GRM8: variants seen among roughly 807,000 people sequenced by gnomAD.
GRM8 encodes the protein glutamate metabotropic receptor 8.
GRM8 carries 47 observed loss-of-function variants against 87.2 expected under a neutral mutation model. The ratio of observed to expected loss-of-function variants is 0.54; its 90% confidence interval spans 0.43 to 0.69. The LOEUF (loss-of-function observed/expected upper bound fraction) is 0.69, where lower values mean the gene tolerates loss of function less well. Among genes scored for constraint, GRM8 ranks in the 30% least tolerant of loss-of-function variants. The probability of loss-of-function intolerance (pLI) is 0.00; values close to 1 mark genes in which losing one functional copy is unlikely to be tolerated. For synonymous variants in GRM8, 396 were observed against 404.5 expected (o/e 0.98, Z 0.25); for missense variants, 1,019 against 1,139.2 (o/e 0.89, Z 1.52).
chr7:126,803,959 C>T (rs1563202595), intron 6 of GRM8, among the ~76,000 whole-genome samples: 1 of 152,150 alleles, frequency 6.6e-6, no homozygotes, highest in Non-Finnish European at 1.5e-5. Context: ...AATGCAAGTC[C>T]CTGACTGATT....
At chr7:126,847,582 CTT>C (rs1796822505) in intron 6 of GRM8, among the ~76,000 whole-genome samples, 1 of 152,130 alleles carries the variant, frequency 6.6e-6, no homozygotes, top group Admixed American at 6.6e-5. Flanking sequence ...CTAGACATCT[CTT>C]GTCTCCAGGT....
intron 9 of GRM8, among the ~76,000 whole-genome samples, chr7:126,480,524 C>T (rs1333130445): frequency 6.6e-6 from 1 of 151,968 alleles, no homozygotes; most frequent in East Asian, 1.9e-4. Context: ...GATTTGTAAG[C>T]TACTGTATAC....
At chr7:126,731,069 T>C (rs1222156748) in intron 7 of GRM8, among the ~76,000 whole-genome samples, 2 of 152,156 alleles carry the variant, frequency 1.3e-5, no homozygotes, top group African/African-American at 4.8e-5. Flanking sequence ...CCTCAAAGAA[T>C]GAAGACTTTA....
intron 9 of GRM8, among the ~76,000 whole-genome samples, chr7:126,510,604 G>T (rs1452968651): frequency 6.6e-6 from 1 of 152,236 alleles, no homozygotes; most frequent in African/African-American, 2.4e-5. Flanking sequence ...AATATGTAAA[G>T]AATTGATTGA....
chr7:126,711,648 C>T (rs1290916918), intron 7 of GRM8, among the ~76,000 whole-genome samples: 1 of 152,178 alleles, frequency 6.6e-6, no homozygotes, highest in African/African-American at 2.4e-5. Context: ...ACATCCTCTT[C>T]CAAGAGAAGG....
intron 8 of GRM8, among the ~76,000 whole-genome samples, chr7:126,560,518 A>G (rs1388688611): frequency 3.3e-5 from 5 of 152,290 alleles, no homozygotes; most frequent in South Asian, 2.1e-4. Flanking sequence ...GATGAAATGA[A>G]CCAGCAAAAT....
intron 7 of GRM8, among the ~76,000 whole-genome samples, chr7:126,757,519 G>T (rs987848011): frequency 2.0e-5 from 3 of 152,182 alleles, no homozygotes; most frequent in Non-Finnish European, 4.4e-5. Context: ...GCAGGATTGA[G>T]TATAAATTGT....
At chr7:127,180,979 G>A (rs943581956) in intron 2 of GRM8, among the ~76,000 whole-genome samples, 2 of 152,006 alleles carry the variant, frequency 1.3e-5, no homozygotes, top group Non-Finnish European at 2.9e-5. Context: ...ACATAGTACT[G>A]GAAGTCCTAG....
At chr7:126,849,993 C>G (rs1016385564) in intron 6 of GRM8, among the ~76,000 whole-genome samples, 19 of 152,136 alleles carry the variant, frequency 1.2e-4, no homozygotes, top group Admixed American at 1.0e-3. Flanking sequence ...TTTGATACTA[C>G]TTCACCCTCC....
chr7:126,449,178 T>A (rs2237727), intron 9 of GRM8, among the ~76,000 whole-genome samples: 43,171 of 151,542 alleles, frequency 0.28, 6,840 homozygotes, highest in East Asian at 0.44. Context: ...TACATTTTTT[T>A]AAAAGATAAA....
At chr7:126,744,086 T>A (rs532244969) in intron 7 of GRM8, among the ~76,000 whole-genome samples, 16 of 152,130 alleles carry the variant, frequency 1.1e-4, no homozygotes, top group Non-Finnish European at 1.8e-4. Flanking sequence ...TAAAATTTAT[T>A]GATTAAAACC....
At chr7:126,634,777 T>C (rs1449318696) in intron 7 of GRM8, among the ~76,000 whole-genome samples, 2 of 152,180 alleles carry the variant, frequency 1.3e-5, no homozygotes, top group African/African-American at 4.8e-5. Context: ...ACGTTATGAG[T>C]ATATGGAAAT....
At chr7:127,187,284 C>A (rs1171862663) in intron 2 of GRM8, among the ~76,000 whole-genome samples, 1 of 152,054 alleles carries the variant, frequency 6.6e-6, no homozygotes, top group Non-Finnish European at 1.5e-5. Flanking sequence ...TATGATAACC[C>A]CAACACTACA....
intron 7 of GRM8, among the ~76,000 whole-genome samples, chr7:126,673,652 A>T (rs1317256862): frequency 6.6e-6 from 1 of 152,222 alleles, no homozygotes; most frequent in East Asian, 1.9e-4. Context: ...AAGCAAGATC[A>T]TGCTTATCAA....
intron 9 of GRM8, among the ~76,000 whole-genome samples, chr7:126,490,379 T>C (rs1184510852): frequency 6.6e-6 from 1 of 152,058 alleles, no homozygotes; most frequent in Non-Finnish European, 1.5e-5. Context: ...GCCTTCCATC[T>C]TGTTTATAAA....
At chr7:126,829,794 G>C (rs997132404) in intron 6 of GRM8, among the ~76,000 whole-genome samples, 1 of 151,978 alleles carries the variant, frequency 6.6e-6, no homozygotes, top group Non-Finnish European at 1.5e-5. Flanking sequence ...TTTCTTCCTA[G>C]TCTCGATGGT....
chr7:126,742,710 T>C (rs1815153398), intron 7 of GRM8, among the ~76,000 whole-genome samples: 1 of 151,976 alleles, frequency 6.6e-6, no homozygotes, highest in Non-Finnish European at 1.5e-5. Context: ...CTCCTTCCTC[T>C]TTCTCTAAGT....
At chr7:126,607,829 C>A (rs1488242620) in intron 8 of GRM8, among the ~76,000 whole-genome samples, 2 of 149,980 alleles carry the variant, frequency 1.3e-5, no homozygotes, top group African/African-American at 2.5e-5. Context: ...GGTATATCAC[C>A]CAATGCTATC....
At chr7:127,028,370 C>T (rs779757832) in intron 3 of GRM8, among the ~76,000 whole-genome samples, 2 of 152,154 alleles carry the variant, frequency 1.3e-5, no homozygotes, top group Non-Finnish European at 2.9e-5. Flanking sequence ...GGAGGATTCC[C>T]TCTTTTTCTA....
Sources: gnomAD v4.1 joint callset for allele counts (sites outside exome capture counted in the v4.1 genomes callset) on GRCh38, gnomAD v4.1.1 for gene constraint, MANE v1.5 for transcripts, NCBI Gene and HGNC (gene_info 2026-07-23, HGNC 2026-07-21) for gene names.